Variants in RAC1 observed in about 807,000 individuals in gnomAD.
RAC1 encodes ras-related C3 botulinum toxin substrate 1.
A neutral mutation model predicts 25.2 loss-of-function variants in RAC1; 2 were observed. The ratio of observed to expected loss-of-function variants is 0.08; its 90% CI spans 0.03 to 0.25. The LOEUF (loss-of-function observed/expected upper bound fraction) is 0.25. RAC1 is among the 10% of genes least tolerant of loss of function. RAC1 has a pLI of 1.00. For synonymous variants in RAC1, 88 were observed against 94.0 expected (o/e 0.94, Z 0.37); for missense variants, 50 against 235.7 (o/e 0.21, Z 5.16).
At chr7:6,384,954 C>T (rs117281225) in intron 1 of RAC1, among the ~76,000 whole-genome samples, 3,438 of 151,966 alleles carry the variant, frequency 0.023, 63 homozygotes, top group Middle Eastern at 0.041. Flanking sequence ...TACTGCTGCA[C>T]ACCGCCACAC....
chr7:6,402,594 T>C lies in RAC1; in HGVS notation c.*148T>C. 1.4e-6 allele frequency: 1 copy of C among 736,918 alleles called. No individual in the cohort carries two copies. Among genetic ancestry groups the C allele is most frequent in the Non-Finnish European group, 1.9e-6 (1 of 526,104 alleles). The allele number at this position is 736,918 out of a possible 1,614,324, so 45.6% of individuals were successfully genotyped here. A position where few individuals can be genotyped will look rare whatever the true frequency, so the allele number is the denominator to read the frequency against. Reference sequence around the variant, plus strand: ...TTTTTGTTACAGATTAATTTTTCCATAAAACCATTTTTTGAACCAATCAGT... The same window carrying C: ...TTTTTGTTACAGATTAATTTTTCCACAAAACCATTTTTTGAACCAATCAGT... On this transcript the variant is annotated 3_prime_UTR_variant, in exon 6 of 6. Coordinates refer to ENST00000348035, the MANE Select transcript of RAC1 (RefSeq NM_006908.5).
intron 3 of RAC1, among the ~76,000 whole-genome samples, chr7:6,397,322 T>G (rs1419109775): frequency 1.3e-5 from 2 of 151,390 alleles, no homozygotes; most frequent in Non-Finnish European, 2.9e-5. Flanking sequence ...TGAGACAGGG[T>G]CTCGCTCTGT....
Position 6,379,436 on chromosome 7 carries a change from A to T in RAC1, c.35+4666A>T, listed in dbSNP as rs1782702481. ...ATTACAGTCACGCTCCACCACACTGACTAATTTCGTATTTTTAATAGAGAC... is the reference window on the plus strand; with the variant it reads ...ATTACAGTCACGCTCCACCACACTGTCTAATTTCGTATTTTTAATAGAGAC... On this transcript the variant is annotated intron_variant, in intron 1 of 5. Transcript: ENST00000348035. Among the ~76,000 whole-genome samples the T allele has an allele frequency of 2.6e-5, 4 of 151,816 alleles. No homozygotes were observed. In the South Asian group the frequency reaches 8.3e-4, roughly 32 times the overall value.
At chr7:6,397,261 AGAAAAAAAG>A (rs1783270251) in intron 3 of RAC1, among the ~76,000 whole-genome samples, 1 of 141,862 alleles carries the variant, frequency 7.0e-6, no homozygotes, top group Non-Finnish European at 1.5e-5. Flanking sequence ...AAGAAAAAAA[AGAAAAAAAG>A]AAAAGCTTGA....
chr7:6,387,029 C>G (rs563735596), intron 1 of RAC1, among the ~76,000 whole-genome samples, 183 bp from the exon 2 acceptor site: 32 of 152,196 alleles, frequency 2.1e-4, no homozygotes, highest in African/African-American at 7.7e-4. Flanking sequence ...AGTTTGTTTA[C>G]TTTAAATTTC....
At chr7:6,402,112 G>A (rs1400459595) in intron 5 of RAC1, 85 bp downstream of exon 5, 32 of 1,502,898 alleles carry the variant, frequency 2.1e-5, no homozygotes, top group Non-Finnish European at 2.7e-5. Flanking sequence ...AAAGGAGGGT[G>A]TGTGTCTCCC....
chr7:6,375,279 G>A (rs920662556), intron 1 of RAC1, among the ~76,000 whole-genome samples: 1 of 151,786 alleles, frequency 6.6e-6, no homozygotes, highest in African/African-American at 2.4e-5. Context: ...TTTCATAGAC[G>A]GGGTCTCGCT....
intron 3 of RAC1, among the ~76,000 whole-genome samples, chr7:6,393,973 G>A (rs1340493301): frequency 6.6e-6 from 1 of 152,170 alleles, no homozygotes; most frequent in Non-Finnish European, 1.5e-5. Flanking sequence ...ACTGGATCTG[G>A]TAGTAACATG....
chr7:6,382,457 A>G (rs576210248), intron 1 of RAC1, among the ~76,000 whole-genome samples: 53 of 152,234 alleles, frequency 3.5e-4, no homozygotes, highest in African/African-American at 1.2e-3. Flanking sequence ...TATTTTTTTA[A>G]CGTGAGGAAA....
intron 4 of RAC1, 181 bp from the exon 5 acceptor site, chr7:6,401,687 C>T: frequency 1.9e-6 from 1 of 536,664 alleles, no homozygotes; most frequent in Non-Finnish European, 3.3e-6. Context: ...GCTAATGGAA[C>T]ACCTGAGATG....
intron 1 of RAC1, among the ~76,000 whole-genome samples, chr7:6,377,130 C>G (rs865833181): frequency 6.6e-6 from 1 of 151,552 alleles, no homozygotes; most frequent in African/African-American, 2.4e-5. Flanking sequence ...ACTGTTATTG[C>G]GGTTTCTACT....
At chr7:6,382,421 T>C (rs1383142160) in intron 1 of RAC1, among the ~76,000 whole-genome samples, 2 of 152,368 alleles carry the variant, frequency 1.3e-5, no homozygotes, top group East Asian at 3.9e-4. Context: ...CAGAAAGTTG[T>C]TATTTTTTGA....
chr7:6,375,002 C>G (rs962322085), intron 1 of RAC1, among the ~76,000 whole-genome samples: 3 of 151,910 alleles, frequency 2.0e-5, no homozygotes, highest in South Asian at 4.1e-4. Context: ...CGCCGCTCGC[C>G]GGCTAGAGGG....
In RAC1 at chr7:6,375,641, T is replaced by TG. The variant is rs1306293053; in HGVS notation, c.35+876dup. 2.0e-5 allele frequency among the ~76,000 whole-genome samples: 3 copies of TG among 152,114 alleles called. No homozygotes were observed. In the East Asian group the frequency reaches 5.8e-4, roughly 29 times the overall value. On this transcript the variant is annotated intron_variant, in intron 1 of 5. Transcript: ENST00000348035. ...GCTGGCTGGGAGGAGCCGGCTGTAA[T>TG]GGGGGACTGTTTTTTCTTTTCTTTC... is the stretch of plus-strand genomic sequence containing the variant.
At position 6,403,512 on chromosome 7, in the gene RAC1, C is replaced by T. The variant is rs1178416183; in HGVS notation, c.*1066C>T. On this transcript the variant is annotated 3_prime_UTR_variant, in exon 6 of 6. Transcript: ENST00000348035. ...TTTTGTCGATTAGTAAAAGTGCTTT[C>T]CATGTTACTTTATTCAGAGCTAATA... is the stretch of plus-strand genomic sequence containing the variant. 4.5e-6 allele frequency: 1 copy of T among 219,916 alleles called. No individual in the cohort carries two copies. Among genetic ancestry groups the T allele is most frequent in the Non-Finnish European group, 9.1e-6 (1 of 109,580 alleles). 13.6% of individuals were successfully genotyped at this position (219,916 alleles called of 1,614,324 possible).
At chr7:6,377,536 A>G (rs2115181591) in intron 1 of RAC1, among the ~76,000 whole-genome samples, 1 of 152,290 alleles carries the variant, frequency 6.6e-6, no homozygotes, top group East Asian at 1.9e-4. Context: ...TGGAGGTTGT[A>G]GTGAGCTGAG....
In RAC1 at chr7:6,388,972, G is replaced by T. The variant is rs534030561; in HGVS notation, c.107+1689G>T. Among the ~76,000 whole-genome samples the T allele has an allele frequency of 2.6e-5, 4 of 152,098 alleles. No homozygotes were observed. The South Asian group carries it at 8.3e-4, about 32-fold the overall frequency. On this transcript the variant is annotated intron_variant, in intron 2 of 5. Coordinates refer to ENST00000348035, the MANE Select transcript of RAC1 (RefSeq NM_006908.5). ...TCCCAGCACTTTGGGAGGCCAAGAC[G>T]GAAGGATCACTTGAGGTCAGGAGTT...
chr7:6,399,984 G>T, intron 3 of RAC1, 142 bp from the exon 4 acceptor site: 1 of 709,676 alleles, frequency 1.4e-6, no homozygotes. Context: ...AACTGAAAGG[G>T]TGGATCAGGA....
chr7:6,384,500 A>T (rs565185393), intron 1 of RAC1, among the ~76,000 whole-genome samples: 1 of 152,214 alleles, frequency 6.6e-6, no homozygotes, highest in African/African-American at 2.4e-5. Context: ...TATTGTTGAG[A>T]TGGGATCGTG....
Sources: allele counts gnomAD v4.1 joint callset (sites outside exome capture counted in the v4.1 genomes callset), GRCh38; gene constraint gnomAD v4.1.1; transcripts MANE v1.5; gene names NCBI Gene and HGNC (gene_info 2026-07-23, HGNC 2026-07-21).